Variants in BMP5 observed in about 807,000 individuals in gnomAD.
BMP5 encodes the protein bone morphogenetic protein 5.
Under a neutral mutation model 46.6 loss-of-function variants are expected in BMP5, and 23 were observed. The ratio of observed to expected loss-of-function variants is 0.49; its 90% CI spans 0.35 to 0.70. The LOEUF is 0.70. Among genes scored for constraint, BMP5 ranks in the 30% least tolerant of loss-of-function variants. The probability of loss-of-function intolerance (pLI) is 0.00; values close to 1 mark genes in which losing one functional copy is unlikely to be tolerated. For missense variants in BMP5, 545 were observed against 565.6 expected (o/e 0.96, Z 0.37); for synonymous variants, 204 against 191.9 (o/e 1.06, Z -0.52).
intron 3 of BMP5, among the ~76,000 whole-genome samples, chr6:55,785,233 T>TA (rs982438301): frequency 6.6e-6 from 1 of 151,814 alleles, no homozygotes; most frequent in African/African-American, 2.4e-5. Flanking sequence ...AATCAGCGTA[T>TA]AAAAAAGAGG....
At chr6:55,838,275 C>T (rs1776871636) in intron 1 of BMP5, among the ~76,000 whole-genome samples, 1 of 152,142 alleles carries the variant, frequency 6.6e-6, no homozygotes, top group Non-Finnish European at 1.5e-5. Flanking sequence ...TACCAGGGTT[C>T]CCTTTTCTCC....
chr6:55,767,025 T>C (rs1774931465), intron 4 of BMP5, among the ~76,000 whole-genome samples: 1 of 152,064 alleles, frequency 6.6e-6, no homozygotes, highest in South Asian at 2.1e-4. Flanking sequence ...TATTTGATAT[T>C]GAATAAATAT....
At chr6:55,792,950 G>C (rs1196040393) in intron 3 of BMP5, among the ~76,000 whole-genome samples, 1 of 152,084 alleles carries the variant, frequency 6.6e-6, no homozygotes, top group Non-Finnish European at 1.5e-5. Context: ...TATCCTCCCT[G>C]TCCCTGGTGA....
At chr6:55,871,933 T>G (rs1386793945) in intron 1 of BMP5, among the ~76,000 whole-genome samples, 2 of 151,926 alleles carry the variant, frequency 1.3e-5, no homozygotes, top group African/African-American at 2.4e-5. Flanking sequence ...TTTAAGACAG[T>G]GAAAAAATAA....
chr6:55,783,278 T>A lies in BMP5; in HGVS notation c.833-9035A>T, dbSNP rs74472997. Among the ~76,000 whole-genome samples, 1,286 of 152,196 alleles carry A rather than the reference T, an allele frequency of 8.4e-3. 23 individuals carry two copies. Among genetic ancestry groups the A allele is most frequent in the African/African-American group, 0.029 (1,205 of 41,554 alleles). ...TACATTTTTAAGGAGTGGGGATATA[T>A]AATTTAATTGTCAAAGTAGTATTAG... On this transcript the variant is annotated intron_variant, in intron 3 of 6. Transcript: ENST00000370830.
rs533167545 is a variant in BMP5, at chr6:55,788,303, G to T, written c.832+5976C>A. On this transcript the variant is annotated intron_variant, in intron 3 of 6. Coordinates refer to ENST00000370830, the MANE Select transcript of BMP5 (RefSeq NM_021073.4). The stretch of plus-strand genomic sequence containing the variant: ...TGTTGTTTTTCTAAGAACAAAATGG[G>T]TTCATTTCTATTGACTTCACACCCT... 4.0e-5 allele frequency among the ~76,000 whole-genome samples: 6 copies of T among 151,520 alleles called. No individual in the cohort carries two copies. The South Asian group carries it at 8.3e-4, about 21-fold the overall frequency.
chr6:55,793,828 T>C (rs1775632362), intron 3 of BMP5, among the ~76,000 whole-genome samples: 1 of 152,224 alleles, frequency 6.6e-6, no homozygotes, highest in African/African-American at 2.4e-5. Flanking sequence ...CTAGTGTCTT[T>C]TTTGATACAT....
chr6:55,774,993 C>G (rs544565688), intron 3 of BMP5, among the ~76,000 whole-genome samples: 30 of 151,996 alleles, frequency 2.0e-4, no homozygotes, highest in Middle Eastern at 3.4e-3. Context: ...TCAGAAGAGG[C>G]AAACCAAGCC....
chr6:55,789,243 T>C lies in BMP5; in HGVS notation c.832+5036A>G, dbSNP rs1390624301. ...GAAAGAAAAAAAGTCACTGGCAAAA[T>C]TCATTCTGAGTATTGCCAAACCGAA... On this transcript the variant is annotated intron_variant, in intron 3 of 6. Coordinates refer to ENST00000370830, the MANE Select transcript of BMP5 (RefSeq NM_021073.4). Among the ~76,000 whole-genome samples the C allele has an allele frequency of 7.9e-5, 12 of 152,070 alleles. No individual in the cohort carries two copies. In the South Asian group the frequency reaches 2.3e-3, roughly 29 times the overall value.
chr6:55,785,980 T>C (rs1385624573), intron 3 of BMP5, among the ~76,000 whole-genome samples: 1 of 151,766 alleles, frequency 6.6e-6, no homozygotes, highest in African/African-American at 2.4e-5. Context: ...AGAAATCTTA[T>C]TATAGATTTT....
At chr6:55,852,973 T>C (rs1777281957) in intron 1 of BMP5, among the ~76,000 whole-genome samples, 1 of 151,592 alleles carries the variant, frequency 6.6e-6, no homozygotes, top group Non-Finnish European at 1.5e-5. Context: ...CTACTAAAAA[T>C]ACAAAAATTA....
At chr6:55,789,676 T>A (rs944812825) in intron 3 of BMP5, among the ~76,000 whole-genome samples, 1 of 152,098 alleles carries the variant, frequency 6.6e-6, no homozygotes, top group Non-Finnish European at 1.5e-5. Context: ...ATTTATTTTA[T>A]CATAGAGGTT....
Position 55,775,499 on chromosome 6 carries a change from T to C in BMP5, c.833-1256A>G, listed in dbSNP as rs181632118. ...CTTAAATTGTAAATTTGGTTAAGAA[T>C]TATGTATATCTTATGCAAAGTTGCT... On this transcript the variant is annotated intron_variant, in intron 3 of 6. Coordinates refer to ENST00000370830, the MANE Select transcript of BMP5 (RefSeq NM_021073.4). Among the ~76,000 whole-genome samples the C allele has an allele frequency of 2.5e-4, 38 of 152,114 alleles. No homozygotes were observed. In the East Asian group the frequency reaches 6.6e-3, roughly 26 times the overall value.
chr6:55,781,881 T>C (rs1775327087), intron 3 of BMP5, among the ~76,000 whole-genome samples: 1 of 151,958 alleles, frequency 6.6e-6, no homozygotes, highest in African/African-American at 2.4e-5. Context: ...ATACAGAAAA[T>C]CTATTTGTTA....
intron 3 of BMP5, among the ~76,000 whole-genome samples, chr6:55,785,173 T>A (rs977076529): frequency 1.3e-5 from 2 of 151,892 alleles, no homozygotes; most frequent in African/African-American, 4.8e-5. Flanking sequence ...TTAAAAATAC[T>A]AAATATTAGC....
chr6:55,863,239 C>T (rs1195234692), intron 1 of BMP5, among the ~76,000 whole-genome samples: 2 of 152,030 alleles, frequency 1.3e-5, no homozygotes, highest in Non-Finnish European at 2.9e-5. Context: ...AACCACATAA[C>T]GTATATAAAG....
At chr6:55,810,347 A>G (rs901515654) in intron 2 of BMP5, among the ~76,000 whole-genome samples, 13 of 152,228 alleles carry the variant, frequency 8.5e-5, no homozygotes, top group Non-Finnish European at 1.5e-5. Context: ...CAGAAATGAA[A>G]AAAAGTTGGA....
chr6:55,863,290 A>C (rs1337481140), intron 1 of BMP5, among the ~76,000 whole-genome samples: 2 of 152,178 alleles, frequency 1.3e-5, no homozygotes, highest in African/African-American at 2.4e-5. Flanking sequence ...TGTTGTTGTT[A>C]AAAGTTGTAT....
intron 1 of BMP5, among the ~76,000 whole-genome samples, chr6:55,837,335 TTAGATAGATAGA>T (rs34459081): frequency 0.025 from 3,062 of 124,000 alleles, 45 homozygotes; most frequent in Middle Eastern, 0.065. Flanking sequence ...TAAAACTAAT[TTAGATAGATAGA>T]TAGATAGATA....
Sources: allele counts gnomAD v4.1 joint callset (sites outside exome capture counted in the v4.1 genomes callset), GRCh38; gene constraint gnomAD v4.1.1; transcripts MANE v1.5; gene names NCBI Gene and HGNC (gene_info 2026-07-23, HGNC 2026-07-21).